PTH1R: variants seen among roughly 807,000 people sequenced by gnomAD.
PTH1R encodes the protein parathyroid hormone 1 receptor, also known as parathyroid hormone/parathyroid hormone-related peptide receptor.
PTH1R carries 32 observed loss-of-function variants against 70.7 expected under a neutral mutation model. The observed-to-expected ratio is 0.45, with a 90% CI of 0.34 to 0.61. The LOEUF is 0.61. Among genes scored for constraint, PTH1R ranks in the 20% least tolerant of loss-of-function variants. PTH1R has a pLI of 0.01. For missense variants in PTH1R, 626 were observed against 792.5 expected (o/e 0.79, Z 2.52); for synonymous variants, 329 against 324.8 (o/e 1.01, Z -0.14).
rs1252554505 is a variant in PTH1R at position 46,896,499 on chromosome 3, CGG to C, written c.313+631_313+632del. ...CTTTGGCCACAGGGCCGGTTTCAGC[CGG>C]CCGGGTGGGCAGCAGATTCCAGATG... is the stretch of plus-strand genomic sequence containing the variant. On this transcript the variant is annotated intron_variant, in intron 5 of 15. Coordinates refer to ENST00000449590, the MANE Select transcript of PTH1R (RefSeq NM_000316.3). The surrounding 1 kb of genome is among the most constrained non-coding windows in gnomAD (Gnocchi z 4.1). Among the ~76,000 whole-genome samples the C allele has an allele frequency of 6.6e-6, 1 of 152,202 alleles. No homozygotes were observed. Among genetic ancestry groups the C allele is most frequent in the Non-Finnish European group, 1.5e-5 (1 of 68,024 alleles).
At position 46,883,671 on chromosome 3, in the gene PTH1R, C is replaced by T; in HGVS notation, c.75+37C>T. The T allele has an allele frequency of 6.5e-7, 1 of 1,544,618 alleles. No homozygotes were observed. On this transcript the variant is annotated intron_variant, in intron 3 of 15. Transcript: ENST00000449590. The surrounding 1 kb of genome is among the most constrained non-coding windows in gnomAD (Gnocchi z 6.4). ...GCCGCCAACACTCCGGGACAGGCTG[C>T]GGGCTTACCCTAGGGTCCGCGGGAT...
chr3:46,901,345 C>A lies in PTH1R; in HGVS notation c.1050-69C>A, dbSNP rs2032101644. The stretch of plus-strand genomic sequence containing the variant: ...CAGCTAATGTCAGACCAGACCAAAT[C>A]TGGGTCTCTGTGGGCAGTCTTAGGA... On this transcript the variant is annotated intron_variant, in intron 11 of 15. Coordinates refer to ENST00000449590, the MANE Select transcript of PTH1R (RefSeq NM_000316.3). This position sits in a 1 kb window ranked among gnomAD's most constrained non-coding sequence, Gnocchi z 7.3. 1.3e-6 allele frequency: 2 copies of A among 1,531,794 alleles called. No homozygotes were observed. The highest frequency in any genetic ancestry group is 2.8e-5 in the African/African-American group (2 of 72,646). The allele number at this position is 1,531,794 out of a possible 1,614,324, so 94.9% of individuals were successfully genotyped here. A position where few individuals can be genotyped will look rare whatever the true frequency, so the allele number is the denominator to read the frequency against.
intron 8 of PTH1R, 33 bp from the exon 9 acceptor site, chr3:46,898,628 GC>G: frequency 6.2e-7 from 1 of 1,609,484 alleles, no homozygotes. Context: ...GCGTCCCCGT[GC>G]CCCCACCCAC....
chr3:46,898,048 G>T, intron 6 of PTH1R, 26 bp from the exon 7 acceptor site: 1 of 1,613,598 alleles, frequency 6.2e-7, no homozygotes, highest in Non-Finnish European at 8.5e-7. Context: ...CCTCCCTGCC[G>T]GCCCTGACCT....
chr3:46,883,368 C>A lies in PTH1R; in HGVS notation c.-48-144C>A, dbSNP rs1279330269. 2 of 190,116 alleles carry A rather than the reference C, an allele frequency of 1.1e-5. No homozygotes were observed. Among genetic ancestry groups the A allele is most frequent in the Admixed American group, 6.1e-5 (1 of 16,268 alleles). 11.8% of individuals were successfully genotyped at this position (190,116 alleles called of 1,614,324 possible). A position where few individuals can be genotyped will look rare whatever the true frequency, so the allele number is the denominator to read the frequency against. On this transcript the variant is annotated intron_variant, in intron 2 of 15. Coordinates refer to ENST00000449590, the MANE Select transcript of PTH1R (RefSeq NM_000316.3). The surrounding 1 kb of genome is among the most constrained non-coding windows in gnomAD (Gnocchi z 6.4). ...CCCTCCCTCCTTTGCGCTGCTCGCT[C>A]GCTCGCTCGCTCGCTCGCCCTCAGC... is the stretch of plus-strand genomic sequence containing the variant.
At position 46,883,223 on chromosome 3, in the gene PTH1R, G is replaced by A; in HGVS notation, c.-48-289G>A. The A allele has an allele frequency of 9.2e-6, 2 of 217,516 alleles. No individual in the cohort carries two copies. Among genetic ancestry groups the A allele is most frequent in the Non-Finnish European group, 1.8e-5 (2 of 110,882 alleles). The allele number at this position is 217,516 out of a possible 1,614,324, so 13.5% of individuals were successfully genotyped here. ...GCGGGGGGCGGGCCGGGGGCGGGGGGCCCGGCCATATGGATGTGATTTCTT... is the reference window on the plus strand; with the variant it reads ...GCGGGGGGCGGGCCGGGGGCGGGGGACCCGGCCATATGGATGTGATTTCTT... On this transcript the variant is annotated intron_variant, in intron 2 of 15. Coordinates refer to ENST00000449590, the MANE Select transcript of PTH1R (RefSeq NM_000316.3). The surrounding 1 kb of genome is among the most constrained non-coding windows in gnomAD (Gnocchi z 6.4).
chr3:46,899,550 A>G, intron 10 of PTH1R, 94 bp downstream of exon 10: 1 of 1,480,338 alleles, frequency 6.8e-7, no homozygotes, highest in Non-Finnish European at 9.1e-7. Flanking sequence ...CCCACACAGC[A>G]CATCCCGCCC....
At chr3:46,888,846 C>CAGT (rs1409926070) in intron 3 of PTH1R, among the ~76,000 whole-genome samples, 1 of 152,248 alleles carries the variant, frequency 6.6e-6, no homozygotes, top group Non-Finnish European at 1.5e-5. Flanking sequence ...CCACTGCCTG[C>CAGT]CCCGAAGGCG....
In PTH1R at chr3:46,887,694, G is replaced by A. The variant is rs141523658; in HGVS notation, c.75+4060G>A. On this transcript the variant is annotated intron_variant, in intron 3 of 15. Coordinates refer to ENST00000449590, the MANE Select transcript of PTH1R (RefSeq NM_000316.3). ...TGGTTGTTTTTAAATAAATGGCATC[G>A]GTTTCTAGATAGGGCTCTGCCACAT... Among the ~76,000 whole-genome samples, 235 of 152,176 alleles carry A rather than the reference G, an allele frequency of 1.5e-3. 1 individual carries two copies. Among genetic ancestry groups the A allele is most frequent in the South Asian group, 9.8e-3 (47 of 4,820 alleles).
intron 4 of PTH1R, 93 bp downstream of exon 4, chr3:46,894,102 T>C: frequency 7.4e-7 from 1 of 1,345,352 alleles, no homozygotes. Flanking sequence ...AGGTGAAGGC[T>C]CTCTGTGGGG....
At chr3:46,881,480 G>C (rs1234114338) in intron 2 of PTH1R, among the ~76,000 whole-genome samples, 2 of 152,174 alleles carry the variant, frequency 1.3e-5, no homozygotes, top group Non-Finnish European at 2.9e-5. Context: ...CTGAGAGTGG[G>C]TGTCTGGATT....
At position 46,901,651 on chromosome 3, in the gene PTH1R, C is replaced by T; in HGVS notation, c.1117-115C>T. 7.2e-7 allele frequency: 1 copy of T among 1,394,548 alleles called. No homozygotes were observed. The allele number at this position is 1,394,548 out of a possible 1,614,324, so 86.4% of individuals were successfully genotyped here. A position where few individuals can be genotyped will look rare whatever the true frequency, so the allele number is the denominator to read the frequency against. On this transcript the variant is annotated intron_variant, in intron 12 of 15. Transcript: ENST00000449590. This position sits in a 1 kb window ranked among gnomAD's most constrained non-coding sequence, Gnocchi z 7.3. ...CCAGCCCAGAAAGGAAAACCAAGGGCTCAAGGAGCCACCCAGAGATGCAGT... is the reference window on the plus strand; with the variant it reads ...CCAGCCCAGAAAGGAAAACCAAGGGTTCAAGGAGCCACCCAGAGATGCAGT...
chr3:46,889,892 G>A (rs534053374), intron 3 of PTH1R, among the ~76,000 whole-genome samples: 5 of 152,262 alleles, frequency 3.3e-5, no homozygotes, highest in African/African-American at 7.2e-5. Flanking sequence ...GCACCCTGGC[G>A]CTGAGCCAAG....
In PTH1R at chr3:46,896,611, A is replaced by T. The variant is rs1433821904; in HGVS notation, c.313+742A>T. Among the ~76,000 whole-genome samples, 1 of 152,132 alleles carries T rather than the reference A, an allele frequency of 6.6e-6. No homozygotes were observed. The highest frequency in any genetic ancestry group is 2.4e-5 in the African/African-American group (1 of 41,416). On this transcript the variant is annotated intron_variant, in intron 5 of 15. Transcript: ENST00000449590. This position sits in a 1 kb window ranked among gnomAD's most constrained non-coding sequence, Gnocchi z 4.1. ...GGCCTGGCTGGGTGGGGCTGGGAAT[A>T]TGGCGCCCAGGACAGAGAGCCTTTC...
intron 3 of PTH1R, among the ~76,000 whole-genome samples, chr3:46,887,567 AGT>A (rs1294307996): frequency 1.3e-5 from 2 of 151,846 alleles, no homozygotes; most frequent in Admixed American, 6.6e-5. Context: ...CATTTTTAGC[AGT>A]TTGGGTAGAG....
At position 46,903,661 on chromosome 3, in the gene PTH1R, G is replaced by T; in HGVS notation, c.*5G>T. On this transcript the variant is annotated 3_prime_UTR_variant, in exon 16 of 16. Coordinates refer to ENST00000449590, the MANE Select transcript of PTH1R (RefSeq NM_000316.3). The surrounding 1 kb of genome is among the most constrained non-coding windows in gnomAD (Gnocchi z 4.4). ...GAGTGGGAGACAGTCATGTGACCAG[G>T]CGCTGGGGGCTGGACCTGCTGACAT... 1 of 1,607,086 alleles carries T rather than the reference G, an allele frequency of 6.2e-7. No individual in the cohort carries two copies. Among genetic ancestry groups the T allele is most frequent in the Non-Finnish European group, 8.5e-7 (1 of 1,179,996 alleles).
In PTH1R at chr3:46,902,515, C is replaced by A; in HGVS notation, c.1212-11C>A. On this transcript the variant is annotated splice_polypyrimidine_tract_variant and intron_variant, in intron 13 of 15. Transcript: ENST00000449590. This position sits in a 1 kb window ranked among gnomAD's most constrained non-coding sequence, Gnocchi z 5.4. ...TGGCTTGGCCCTGACCTACCTGCCC[C>A]GCTGGCCCAGGAAGCTGCTCAAATC... 1 of 1,609,556 alleles carries A rather than the reference C, an allele frequency of 6.2e-7. No homozygotes were observed. The highest frequency in any genetic ancestry group is 1.1e-5 in the South Asian group (1 of 90,436).
At chr3:46,886,642 C>T (rs2031052035) in intron 3 of PTH1R, among the ~76,000 whole-genome samples, 1 of 152,234 alleles carries the variant, frequency 6.6e-6, no homozygotes, top group African/African-American at 2.4e-5. Flanking sequence ...CAGGCGTGAG[C>T]CACCACGCCC....
In PTH1R at chr3:46,892,250, A is replaced by G. The variant is rs972100134; in HGVS notation, c.76-1657A>G. Among the ~76,000 whole-genome samples, 10 of 152,222 alleles carry G rather than the reference A, an allele frequency of 6.6e-5. No individual in the cohort carries two copies. Among genetic ancestry groups the G allele is most frequent in the Non-Finnish European group, 1.3e-4 (9 of 68,048 alleles). On this transcript the variant is annotated intron_variant, in intron 3 of 15. Transcript: ENST00000449590. The surrounding 1 kb of genome is among the most constrained non-coding windows in gnomAD (Gnocchi z 5.2). ...GTCCACCTCAGCCCCCAGAGACACC[A>G]GAAGCACGGGCCACCCACAGACGCA...
Sources: gnomAD v4.1 joint callset for allele counts (sites outside exome capture counted in the v4.1 genomes callset) on GRCh38, gnomAD v4.1.1 for gene constraint, Gnocchi (gnomAD v3.1) non-coding constraint, MANE v1.5 for transcripts, NCBI Gene and HGNC (gene_info 2026-07-23, HGNC 2026-07-21) for gene names.